The following ASIC2 variants were observed in gnomAD, a reference collection of about 807,000 sequenced individuals.
The protein encoded by ASIC2 is acid-sensing ion channel 2.
Under a neutral mutation model 57.3 loss-of-function variants are expected in ASIC2, and 25 were observed. That is an observed-to-expected ratio of 0.44 (90% CI 0.32 to 0.61). The LOEUF is 0.61. ASIC2 is among the 20% of genes least tolerant of loss of function. The pLI is 0.06. For synonymous variants in ASIC2, 319 were observed against 307.5 expected (o/e 1.04, Z -0.39); for missense variants, 641 against 738.1 (o/e 0.87, Z 1.52).
chr17:33,088,500 A>T (rs1464904495), intron 3 of ASIC2, among the ~76,000 whole-genome samples: 1 of 152,064 alleles, frequency 6.6e-6, no homozygotes, highest in African/African-American at 2.4e-5. Flanking sequence ...TTTGAATTGT[A>T]TTAACGCAAG....
intron 1 of ASIC2, among the ~76,000 whole-genome samples, chr17:33,948,618 CCCTGGCTTTAGAAAA>C (rs1281296631): frequency 1.3e-5 from 2 of 152,196 alleles, no homozygotes; most frequent in Non-Finnish European, 2.9e-5. Flanking sequence ...TGAGGACTGG[CCCTGGCTTTAGAAAA>C]CCTGGAATCC....
intron 1 of ASIC2, among the ~76,000 whole-genome samples, chr17:33,606,371 G>C (rs1011561946): frequency 1.3e-5 from 2 of 152,186 alleles, no homozygotes; most frequent in African/African-American, 4.8e-5. Flanking sequence ...CTGGGGTTTA[G>C]AGAGCATCCA....
At chr17:33,773,663 T>C (rs1911183589) in intron 1 of ASIC2, among the ~76,000 whole-genome samples, 1 of 128,000 alleles carries the variant, frequency 7.8e-6, no homozygotes, top group African/African-American at 2.9e-5. Flanking sequence ...TCTGTTTTTT[T>C]TTTTTTTTTG....
intron 1 of ASIC2, among the ~76,000 whole-genome samples, chr17:33,947,600 G>T (rs34719329): frequency 6.6e-6 from 1 of 152,150 alleles, no homozygotes; most frequent in Non-Finnish European, 1.5e-5. Context: ...GCATGCAAAA[G>T]CCACAAAGAA....
intron 1 of ASIC2, among the ~76,000 whole-genome samples, chr17:33,259,618 C>T (rs1268578014): frequency 6.6e-6 from 1 of 152,046 alleles, no homozygotes; most frequent in Non-Finnish European, 1.5e-5. Flanking sequence ...AGATGTGATG[C>T]AAAGAGGAGA....
chr17:33,799,439 T>TTC (rs1383734169), intron 1 of ASIC2, among the ~76,000 whole-genome samples: 1 of 59,126 alleles, frequency 1.7e-5, no homozygotes, highest in African/African-American at 6.1e-5. Flanking sequence ...TCTTTCTTTC[T>TTC]TTCTTTCTTT....
chr17:33,155,067 G>A lies in ASIC2; in HGVS notation c.709-43000C>T, dbSNP rs552140093. Among the ~76,000 whole-genome samples, 5 of 152,348 alleles carry A rather than the reference G, an allele frequency of 3.3e-5. No individual in the cohort carries two copies. In the East Asian group the frequency reaches 9.6e-4, roughly 29 times the overall value. On this transcript the variant is annotated intron_variant, in intron 1 of 9. Transcript: ENST00000225823. Reference sequence around the variant, plus strand: ...TTTTCTCCAAGCAGCACCTGTGAGAGCAGCAGCTCCAGCTGGAGTCCCAAG... The same window carrying A: ...TTTTCTCCAAGCAGCACCTGTGAGAACAGCAGCTCCAGCTGGAGTCCCAAG...
At chr17:33,808,775 C>T (rs1022132421) in intron 1 of ASIC2, among the ~76,000 whole-genome samples, 2 of 152,116 alleles carry the variant, frequency 1.3e-5, no homozygotes, top group African/African-American at 4.8e-5. Flanking sequence ...AAAGAGATGA[C>T]ATACAGATGG....
rs1311688011 is a variant in ASIC2, at chr17:33,799,412, TTTCTTTCTTTCTTTC to T, written c.555+356551_555+356565del. ...TTTCTTTCTTTCTTTCTTTTCTTTC[TTTCTTTCTTTCTTTC>T]TTCTTTCTTTCTTTCTTTCTTTCTT... is the stretch of plus-strand genomic sequence containing the variant. On this transcript the variant is annotated intron_variant, in intron 1 of 9. Coordinates refer to the ASIC2 transcript ENST00000359872. 3.9e-3 allele frequency among the ~76,000 whole-genome samples: 264 copies of T among 67,448 alleles called. 4 individuals are homozygous for T. The highest frequency in any genetic ancestry group is 0.011 in the African/African-American group (194 of 18,050). The allele number at this position is 67,448 out of a possible 152,430, so 44.2% of individuals were successfully genotyped here. A position where few individuals can be genotyped will look rare whatever the true frequency, so the allele number is the denominator to read the frequency against.
At chr17:33,642,013 G>A (rs1597818275) in intron 1 of ASIC2, among the ~76,000 whole-genome samples, 1 of 151,978 alleles carries the variant, frequency 6.6e-6, no homozygotes, top group East Asian at 1.9e-4. Flanking sequence ...TATATTTATA[G>A]GGAGAAGATC....
chr17:33,913,726 C>A (rs191512695), intron 1 of ASIC2, among the ~76,000 whole-genome samples: 4 of 152,234 alleles, frequency 2.6e-5, no homozygotes, highest in Non-Finnish European at 5.9e-5. Flanking sequence ...ATAAGATATT[C>A]TTGCTGCCAA....
intron 1 of ASIC2, among the ~76,000 whole-genome samples, chr17:33,195,998 C>T (rs539810258): frequency 6.6e-6 from 1 of 152,180 alleles, no homozygotes; most frequent in Non-Finnish European, 1.5e-5. Flanking sequence ...CCTGTCTTAC[C>T]TCACAAAGGT....
intron 1 of ASIC2, among the ~76,000 whole-genome samples, chr17:33,845,782 C>A (rs778841262): frequency 6.6e-6 from 1 of 152,014 alleles, no homozygotes; most frequent in Non-Finnish European, 1.5e-5. Flanking sequence ...AATATCTTAT[C>A]GTATATTGTG....
At chr17:33,772,545 G>A (rs1221314282) in intron 1 of ASIC2, among the ~76,000 whole-genome samples, 8 of 152,158 alleles carry the variant, frequency 5.3e-5, no homozygotes, top group Middle Eastern at 3.2e-3. Context: ...CGGGGCCAAG[G>A]ACCTTGGCCC....
At chr17:33,412,372 G>T (rs1746818748) in intron 1 of ASIC2, among the ~76,000 whole-genome samples, 1 of 152,166 alleles carries the variant, frequency 6.6e-6, no homozygotes, top group African/African-American at 2.4e-5. Context: ...CTGCAGAGGG[G>T]TAGAGAGGGG....
chr17:33,558,021 A>AT (rs1245536367), intron 1 of ASIC2, among the ~76,000 whole-genome samples: 1 of 151,854 alleles, frequency 6.6e-6, no homozygotes, highest in African/African-American at 2.4e-5. Flanking sequence ...TATAATATAT[A>AT]TTTTAAAGTC....
rs138215105 is a variant in ASIC2, at chr17:33,040,035, G to A, written c.988-11643C>T. On this transcript the variant is annotated intron_variant, in intron 3 of 9. Coordinates refer to ENST00000225823, the MANE Select transcript of ASIC2 (RefSeq NM_183377.2). Reference sequence around the variant, plus strand: ...GTTCCCTCCCTAAGAGGAATTCCGAGGCTAGATGTTAAGATATTTTTCTGC... The same window carrying A: ...GTTCCCTCCCTAAGAGGAATTCCGAAGCTAGATGTTAAGATATTTTTCTGC... Among the ~76,000 whole-genome samples the A allele has an allele frequency of 1.1e-3, 161 of 152,340 alleles. 1 individual carries two copies. The highest frequency in any genetic ancestry group is 3.4e-3 in the Middle Eastern group (1 of 294).
chr17:33,035,642 G>A (rs906268858), intron 3 of ASIC2, among the ~76,000 whole-genome samples: 8 of 152,144 alleles, frequency 5.3e-5, no homozygotes, highest in African/African-American at 1.9e-4. Context: ...TGGGTTTAAT[G>A]GAAAGCCTGA....
At chr17:33,621,493 A>G (rs938337777) in intron 1 of ASIC2, among the ~76,000 whole-genome samples, 5 of 152,216 alleles carry the variant, frequency 3.3e-5, no homozygotes, top group African/African-American at 1.2e-4. Flanking sequence ...TGGCCAGTGT[A>G]CGCTGGTTCA....
Sources: gnomAD v4.1 joint callset for allele counts (sites outside exome capture counted in the v4.1 genomes callset) on GRCh38, gnomAD v4.1.1 for gene constraint, MANE v1.5 for transcripts, NCBI Gene and HGNC (gene_info 2026-07-23, HGNC 2026-07-21) for gene names.